The following EPHB2 variants were observed in gnomAD, a reference collection of about 807,000 sequenced individuals.
The protein encoded by EPHB2 is EPH receptor B2.
Under a neutral mutation model 96.4 loss-of-function variants are expected in EPHB2, and 18 were observed. The ratio of observed to expected loss-of-function variants is 0.19; its 90% CI spans 0.13 to 0.28. The LOEUF (loss-of-function observed/expected upper bound fraction) is 0.28, where lower values mean the gene tolerates loss of function less well. Ranked by LOEUF, EPHB2 falls within the 10% of genes least tolerant of loss-of-function variation. The probability of loss-of-function intolerance (pLI) is 1.00; values close to 1 mark genes in which losing one functional copy is unlikely to be tolerated. For missense variants in EPHB2, 989 were observed against 1,355.4 expected (o/e 0.73, Z 4.25); for synonymous variants, 506 against 534.1 (o/e 0.95, Z 0.72).
chr1:22,898,307 G>A (rs1463171257), intron 9 of EPHB2, among the ~76,000 whole-genome samples: 1 of 152,056 alleles, frequency 6.6e-6, no homozygotes, highest in Non-Finnish European at 1.5e-5. Flanking sequence ...AGCTTGGGTT[G>A]GCCTCACTGA....
chr1:22,862,723 AT>A (rs957513838), intron 3 of EPHB2, among the ~76,000 whole-genome samples: 1 of 152,182 alleles, frequency 6.6e-6, no homozygotes, highest in African/African-American at 2.4e-5. Context: ...TGCCCCAGAC[AT>A]CTTCAGATGT....
At chr1:22,735,880 G>GC (rs1465558821) in intron 1 of EPHB2, among the ~76,000 whole-genome samples, 3 of 152,190 alleles carry the variant, frequency 2.0e-5, no homozygotes, top group African/African-American at 7.2e-5. Context: ...TTAGGGCAGA[G>GC]CCCCTGCCTG....
intron 2 of EPHB2, among the ~76,000 whole-genome samples, chr1:22,783,710 G>T (rs1363628205): frequency 6.6e-6 from 1 of 152,210 alleles, no homozygotes; most frequent in Non-Finnish European, 1.5e-5. Flanking sequence ...GCAGCGGTGA[G>T]GCTTAGCATC....
intron 1 of EPHB2, among the ~76,000 whole-genome samples, chr1:22,751,744 G>A (rs1644066338): frequency 1.3e-5 from 2 of 152,308 alleles, no homozygotes; most frequent in South Asian, 4.1e-4. Context: ...AAGACAGTGG[G>A]CTGGGAGGAT....
intron 1 of EPHB2, among the ~76,000 whole-genome samples, chr1:22,734,881 G>A (rs1643793386): frequency 6.6e-6 from 1 of 152,236 alleles, no homozygotes; most frequent in African/African-American, 2.4e-5. Flanking sequence ...ACAAGCCTCT[G>A]TTGTGTTGCT....
intron 3 of EPHB2, among the ~76,000 whole-genome samples, chr1:22,857,003 G>A (rs1226937022): frequency 6.6e-6 from 1 of 152,122 alleles, no homozygotes; most frequent in East Asian, 1.9e-4. Flanking sequence ...CCTACCATGT[G>A]CCAAGTCCTG....
chr1:22,815,187 G>A, intron 3 of EPHB2, among the ~76,000 whole-genome samples: 1 of 152,176 alleles, frequency 6.6e-6, no homozygotes, highest in Admixed American at 6.5e-5. Context: ...CCACGTGCCT[G>A]CTCTTCCTGG....
At chr1:22,776,433 A>G (rs540474283) in intron 1 of EPHB2, among the ~76,000 whole-genome samples, 8 of 152,306 alleles carry the variant, frequency 5.3e-5, no homozygotes, top group Non-Finnish European at 8.8e-5. Context: ...TAGTGTGGTG[A>G]TTAATTATCT....
intron 14 of EPHB2, among the ~76,000 whole-genome samples, chr1:22,910,780 T>G (rs1025238691): frequency 1.3e-5 from 2 of 152,234 alleles, no homozygotes; most frequent in Admixed American, 6.5e-5. Flanking sequence ...GAAAAGGACA[T>G]ATACCCTGTG....
Position 22,908,145 on chromosome 1 carries a change from G to A in EPHB2, c.2329G>A (p.Asp777Asn). ...LSRFLEDDTS[D>N]PTYTSALGGK... Reference sequence around the variant, plus strand: ...ACGCTTTCTAGAGGACGATACCTCAGACCCCACCTACACCAGTGCCCTGGT... The same window carrying A: ...ACGCTTTCTAGAGGACGATACCTCAAACCCCACCTACACCAGTGCCCTGGT... The change falls in exon 12 of 16, where the codon GAC (aspartate) becomes AAC (asparagine). Residue 777 changes from aspartate (D) to asparagine (N), a missense_variant. By Grantham distance (23) the Asp-to-Asn change is conservative. Transcript: ENST00000374630. 6.2e-7 allele frequency: 1 copy of A among 1,614,238 alleles called. No homozygotes were observed. The highest frequency in any genetic ancestry group is 8.5e-7 in the Non-Finnish European group (1 of 1,180,052).
In EPHB2 at chr1:22,896,453, G is replaced by A. The variant is rs775339083; in HGVS notation, c.1740G>A (p.Lys580=). 3 of 1,614,058 alleles carry A rather than the reference G, an allele frequency of 1.9e-6. No individual in the cohort carries two copies. Among genetic ancestry groups the A allele is most frequent in the Non-Finnish European group, 2.5e-6 (3 of 1,180,022 alleles). ...GTGCTGACTCGGAGTACACGGACAA[G>A]CTGCAACACTACACCAGTGGCCACA... ...FERADSEYTD[K]LQHYTSGHMT... The change falls in exon 9 of 16, where the codon AAG becomes AAA. Residue 580 remains lysine, a synonymous_variant. Coordinates refer to ENST00000374630, the MANE Select transcript of EPHB2 (RefSeq NM_017449.5).
At chr1:22,893,419 A>G (rs1335222612) in intron 7 of EPHB2, among the ~76,000 whole-genome samples, 1 of 152,206 alleles carries the variant, frequency 6.6e-6, no homozygotes, top group African/African-American at 2.4e-5. Context: ...GTGACTTACA[A>G]CTGGACTGAG....
At chr1:22,854,520 G>GA (rs541709343) in intron 3 of EPHB2, among the ~76,000 whole-genome samples, 1 of 151,930 alleles carries the variant, frequency 6.6e-6, no homozygotes, top group Non-Finnish European at 1.5e-5. Context: ...TCAAAAGAAA[G>GA]AAAAAAAATT....
At chr1:22,729,703 A>G (rs1218594674) in intron 1 of EPHB2, among the ~76,000 whole-genome samples, 2 of 152,238 alleles carry the variant, frequency 1.3e-5, no homozygotes, top group Non-Finnish European at 2.9e-5. Flanking sequence ...GCATAGCTCC[A>G]TGGGCCAATC....
At chr1:22,736,574 G>C (rs531867692) in intron 1 of EPHB2, among the ~76,000 whole-genome samples, 1 of 152,166 alleles carries the variant, frequency 6.6e-6, no homozygotes, top group Non-Finnish European at 1.5e-5. Flanking sequence ...TGCAGGCCGC[G>C]GTCTGGTTCC....
At chr1:22,900,031 C>T (rs1241924999) in intron 9 of EPHB2, among the ~76,000 whole-genome samples, 3 of 151,058 alleles carry the variant, frequency 2.0e-5, no homozygotes, top group South Asian at 2.1e-4. Context: ...CGGTAGCTCA[C>T]GCCTGTAATC....
chr1:22,848,982 G>A lies in EPHB2; in HGVS notation c.812-14055G>A, dbSNP rs12723992. On this transcript the variant is annotated intron_variant, in intron 3 of 15. Coordinates refer to ENST00000374630, the MANE Select transcript of EPHB2 (RefSeq NM_017449.5). The stretch of plus-strand genomic sequence containing the variant: ...GCCTCCGTTTCTCATCTGTACAATG[G>A]GGGTGACAAATCTCCAACATCATAG... Among the ~76,000 whole-genome samples the A allele has an allele frequency of 4.8e-3, 724 of 152,184 alleles. 3 individuals carry two copies. The highest frequency in any genetic ancestry group is 8.2e-3 in the Non-Finnish European group (560 of 68,004).
intron 3 of EPHB2, among the ~76,000 whole-genome samples, chr1:22,814,794 G>A (rs1645049082): frequency 6.6e-6 from 1 of 152,200 alleles, no homozygotes; most frequent in Non-Finnish European, 1.5e-5. Flanking sequence ...TTCTCACCAG[G>A]CCAGCCGAGG....
At chr1:22,715,499 A>G (rs1396361050) in intron 1 of EPHB2, among the ~76,000 whole-genome samples, 2 of 150,912 alleles carry the variant, frequency 1.3e-5, no homozygotes, top group Non-Finnish European at 3.0e-5. Context: ...GCGACCTTCC[A>G]TGGGATTAAT....
Sources: allele counts gnomAD v4.1 joint callset (sites outside exome capture counted in the v4.1 genomes callset), GRCh38; gene constraint gnomAD v4.1.1; transcripts MANE v1.5; gene names NCBI Gene and HGNC (gene_info 2026-07-23, HGNC 2026-07-21).